The following VPS8 variants were observed in gnomAD, a reference collection of about 807,000 sequenced individuals.
VPS8 encodes the protein vacuolar protein sorting-associated protein 8 homolog.
A neutral mutation model predicts 216.4 loss-of-function variants in VPS8; 129 were observed. The ratio of observed to expected loss-of-function variants is 0.60; its 90% confidence interval spans 0.52 to 0.69. VPS8 has a LOEUF of 0.69. Ranked by LOEUF, VPS8 falls within the 30% of genes least tolerant of loss-of-function variation. The pLI is 0.00. For missense variants in VPS8, 1,531 were observed against 1,683.5 expected, an observed-to-expected ratio of 0.91 and a Z score of 1.59; for synonymous variants, 571 against 565.4, an observed-to-expected ratio of 1.01 and a Z score of -0.14.
At position 185,042,941 on chromosome 3, in the gene VPS8, T is replaced by C. The variant is rs112822236; in HGVS notation, c.4057-5538T>C. Among the ~76,000 whole-genome samples the C allele has an allele frequency of 7.0e-3, 1,070 of 152,240 alleles. 12 individuals are homozygous for C. Among genetic ancestry groups the C allele is most frequent in the African/African-American group, 0.024 (978 of 41,534 alleles). ...ACTTTAAACCAATTGGGGGACATTT[T>C]CTTTTGTGAGGGAGCAAAAACAGGT... On this transcript the variant is annotated intron_variant, in intron 46 of 47. Transcript: ENST00000625842.
At chr3:184,944,817 T>G (rs1743389150) in intron 36 of VPS8, among the ~76,000 whole-genome samples, 4 of 152,200 alleles carry the variant, frequency 2.6e-5, no homozygotes, top group Non-Finnish European at 5.9e-5. Context: ...AGATATAGAT[T>G]ATGGAAATGG....
chr3:184,812,862 G>T (rs1391881194), intron 1 of VPS8: 1 of 152,262 alleles, frequency 6.6e-6, no homozygotes, highest in Non-Finnish European at 1.5e-5. Context: ...ATATCAAGGT[G>T]CCTGAGCCTG....
intron 38 of VPS8, among the ~76,000 whole-genome samples, chr3:184,966,145 C>T (rs73885630): frequency 0.029 from 4,442 of 152,140 alleles, 208 homozygotes; most frequent in African/African-American, 0.1. Context: ...GGAGAGCTGA[C>T]GTGTCACATG....
chr3:184,996,375 A>T lies in VPS8; in HGVS notation c.3710A>T (p.His1237Leu). 6.2e-7 allele frequency: 1 copy of T among 1,613,800 alleles called. No individual in the cohort carries two copies. The highest frequency in any genetic ancestry group is 8.5e-7 in the Non-Finnish European group (1 of 1,179,794). The change falls in exon 44 of 48, where the codon CAT becomes CTT. Residue 1237 changes from histidine (H) to leucine (L), a missense_variant. His to Leu is a moderately conservative substitution (Grantham distance 99). This residue lies in a region of VPS8 where 1,318 missense variants were observed against 1,468.4 expected (regional missense o/e 0.90). Coordinates refer to ENST00000625842, the MANE Select transcript of VPS8 (RefSeq NM_001009921.3). Reference sequence around the variant, plus strand: ...ACCAGCCTTCTAAACCAAGATCTCCATTGGTCATTGTGTAACCTGAGAGCT... The same window carrying T: ...ACCAGCCTTCTAAACCAAGATCTCCTTTGGTCATTGTGTAACCTGAGAGCT... ...TTTSLLNQDL[H>L]WSLCNLRASV...
At chr3:184,922,041 A>G (rs1381036277) in intron 29 of VPS8, among the ~76,000 whole-genome samples, 1 of 151,820 alleles carries the variant, frequency 6.6e-6, no homozygotes, top group Non-Finnish European at 1.5e-5. Context: ...TACCCCACAC[A>G]CCTTGTATTA....
At chr3:184,981,993 A>T (rs1698208339) in intron 40 of VPS8, among the ~76,000 whole-genome samples, 1 of 152,058 alleles carries the variant, frequency 6.6e-6, no homozygotes. Context: ...ATGGTTGATC[A>T]TGTTAACTGA....
chr3:184,953,359 T>G (rs1400788948), intron 36 of VPS8, among the ~76,000 whole-genome samples: 2 of 152,206 alleles, frequency 1.3e-5, no homozygotes, highest in African/African-American at 2.4e-5. Context: ...AAAGGTGGGA[T>G]ATCTTGAAGT....
chr3:185,038,315 A>G (rs527397842), intron 46 of VPS8, among the ~76,000 whole-genome samples: 7 of 152,320 alleles, frequency 4.6e-5, no homozygotes, highest in Non-Finnish European at 4.4e-5. Flanking sequence ...AGCTCTACAA[A>G]TTGCCTGATG....
intron 36 of VPS8, among the ~76,000 whole-genome samples, chr3:184,953,243 C>T (rs1482421890): frequency 6.6e-6 from 1 of 152,136 alleles, no homozygotes; most frequent in Non-Finnish European, 1.5e-5. Flanking sequence ...TCCCTGATGG[C>T]TTACAGGAAG....
At chr3:184,843,321 A>G (rs1264229141) in intron 8 of VPS8, 76 bp downstream of exon 8, 1 of 1,100,440 alleles carries the variant, frequency 9.1e-7, no homozygotes, top group Non-Finnish European at 1.2e-6. Context: ...GCTACCAATT[A>G]TAGTCAATGT....
chr3:184,958,351 C>T (rs1745958491), intron 37 of VPS8, among the ~76,000 whole-genome samples: 1 of 152,086 alleles, frequency 6.6e-6, no homozygotes, highest in Non-Finnish European at 1.5e-5. Context: ...GGTATAGGCA[C>T]ATAGGCATTT....
At chr3:185,047,951 CA>C (rs1462744281) in intron 46 of VPS8, among the ~76,000 whole-genome samples, 1 of 152,156 alleles carries the variant, frequency 6.6e-6, no homozygotes, top group Non-Finnish European at 1.5e-5. Flanking sequence ...ACAGGTGGAA[CA>C]AAACATGGCT....
chr3:184,847,103 A>T (rs1386477039), intron 8 of VPS8, among the ~76,000 whole-genome samples: 1 of 152,256 alleles, frequency 6.6e-6, no homozygotes, highest in African/African-American at 2.4e-5. Flanking sequence ...TTTAAAATAC[A>T]TCAGACCTTG....
intron 46 of VPS8, among the ~76,000 whole-genome samples, chr3:185,036,999 T>C (rs1759001564): frequency 6.6e-6 from 1 of 151,826 alleles, no homozygotes; most frequent in South Asian, 2.1e-4. Flanking sequence ...AATAAGTTAT[T>C]AAAAGAAAAA....
At chr3:184,900,745 T>G (rs550752053) in intron 24 of VPS8, among the ~76,000 whole-genome samples, 176 bp from the exon 25 acceptor site, 1 of 152,358 alleles carries the variant, frequency 6.6e-6, no homozygotes, top group South Asian at 2.1e-4. Context: ...CAACAGTGAT[T>G]GTTTCTCAGT....
chr3:185,042,744 C>T (rs1711961202), intron 46 of VPS8, among the ~76,000 whole-genome samples: 1 of 152,126 alleles, frequency 6.6e-6, no homozygotes. Flanking sequence ...GAGCTACATT[C>T]GTTCTCTAAA....
chr3:184,861,342 AAT>A (rs1194602487), intron 15 of VPS8, among the ~76,000 whole-genome samples: 1 of 152,228 alleles, frequency 6.6e-6, no homozygotes, highest in African/African-American at 2.4e-5. Flanking sequence ...TAATAAAAAG[AAT>A]GAAAAAGTGC....
At chr3:184,984,100 C>A (rs1446422611) in intron 42 of VPS8, among the ~76,000 whole-genome samples, 1 of 140,942 alleles carries the variant, frequency 7.1e-6, no homozygotes, top group South Asian at 2.4e-4. Context: ...AGGAGAATGG[C>A]GTGAACCCGG....
At chr3:185,021,929 C>T (rs9835082) in intron 45 of VPS8, among the ~76,000 whole-genome samples, 2,588 of 152,232 alleles carry the variant, frequency 0.017, 77 homozygotes, top group African/African-American at 0.06. Context: ...CAGATAGTAT[C>T]GAGTATCCAT....
Sources: allele counts gnomAD v4.1 joint callset (sites outside exome capture counted in the v4.1 genomes callset), GRCh38; gene constraint gnomAD v4.1.1; regional missense constraint gnomAD v4.1.1; transcripts MANE v1.5; gene names NCBI Gene and HGNC (gene_info 2026-07-23, HGNC 2026-07-21).